STEAP2: variants seen among roughly 807,000 people sequenced by gnomAD.
The protein encoded by STEAP2 is metalloreductase STEAP2.
In STEAP2, 30 loss-of-function variants were observed where a neutral mutation model predicts 46.4. That is an observed-to-expected ratio of 0.65 (90% CI 0.48 to 0.88). The LOEUF (loss-of-function observed/expected upper bound fraction) is 0.88, where lower values mean the gene tolerates loss of function less well. STEAP2 is among the 40% of genes least tolerant of loss of function. STEAP2 has a pLI of 0.00. For synonymous variants in STEAP2, 180 were observed against 200.5 expected, an observed-to-expected ratio of 0.90 and a Z score of 0.86; for missense variants, 513 against 579.3, an observed-to-expected ratio of 0.89 and a Z score of 1.18.
At position 90,232,624 on chromosome 7, in the gene STEAP2, A is replaced by G; in HGVS notation, c.1473A>G (p.Ter491TrpextTer1). Residue 491 changes from the stop codon to tryptophan (W), a stop_lost, in exon 6 of 6, where the codon TGA becomes TGG. Transcript: ENST00000394621. ...CCCCGGAGAGGGTCACAGTAATGTG[A>G]TGACAAATGGTGTTCACAGCTGCCA... is the stretch of plus-strand genomic sequence containing the variant. ...HVSPERVTVM* is the reference protein window; with the variant it reads ...HVSPERVTVMW 3.7e-6 allele frequency: 6 copies of G among 1,602,326 alleles called. No homozygotes were observed. Among genetic ancestry groups the G allele is most frequent in the Non-Finnish European group, 5.1e-6 (6 of 1,173,840 alleles).
At position 90,227,426 on chromosome 7, in the gene STEAP2, T is replaced by C. The variant is rs1795548235; in HGVS notation, c.948T>C (p.His316=). The C allele has an allele frequency of 1.2e-6, 2 of 1,611,286 alleles. No individual in the cohort carries two copies. Among genetic ancestry groups the C allele is most frequent in the East Asian group, 2.2e-5 (1 of 44,796 alleles). Residue 316 remains histidine, a synonymous_variant, in exon 4 of 6, where the codon CAT becomes CAC. Coordinates refer to ENST00000394621, the MANE Select transcript of STEAP2 (RefSeq NM_001244944.2). ...GLLSFFFAMV[H]VAYSLCLPMR... ...TAAGTTTTTTCTTCGCTATGGTCCA[T>C]GTTGCCTACAGCCTCTGCTTACCGA... is the stretch of plus-strand genomic sequence containing the variant.
At position 90,211,781 on chromosome 7, in the gene STEAP2, G is replaced by C. The variant is rs926173961; in HGVS notation, c.-411G>C. On this transcript the variant is annotated 5_prime_UTR_variant, in exon 1 of 6. Coordinates refer to ENST00000394621, the MANE Select transcript of STEAP2 (RefSeq NM_001244944.2). ...GCCCTCGGCGCCACGAGCTGTCCGG[G>C]CACGCAGCCCCTAGCGGCGCGTCGC... is the stretch of plus-strand genomic sequence containing the variant. 1 of 152,788 alleles carries C rather than the reference G, an allele frequency of 6.5e-6. No individual in the cohort carries two copies. The highest frequency in any genetic ancestry group is 1.5e-5 in the Non-Finnish European group (1 of 68,516). 9.5% of individuals were successfully genotyped at this position (152,788 alleles called of 1,614,324 possible). A position where few individuals can be genotyped will look rare whatever the true frequency, so the allele number is the denominator to read the frequency against.
At chr7:90,222,032 T>C (rs962768015) in intron 2 of STEAP2, among the ~76,000 whole-genome samples, 8 of 152,204 alleles carry the variant, frequency 5.3e-5, no homozygotes, top group African/African-American at 1.9e-4. Flanking sequence ...TATAGGAAAC[T>C]TGGATTCCCT....
Position 90,235,277 on chromosome 7 carries a change from C to T in STEAP2, c.*2653C>T, listed in dbSNP as rs182124383. ...TGGCACTATCTTCTTTTCAGTACTA[C>T]AAAAACAGAATAATTTTGAAGTTTT... On this transcript the variant is annotated 3_prime_UTR_variant, in exon 6 of 6. Transcript: ENST00000394621. The T allele has an allele frequency of 9.6e-5, 94 of 975,586 alleles. No individual in the cohort carries two copies. In the African/African-American group the frequency reaches 1.5e-3, roughly 16 times the overall value. The allele number at this position is 975,586 out of a possible 1,614,324, so 60.4% of individuals were successfully genotyped here.
Position 90,236,987 on chromosome 7 carries a change from C to G in STEAP2, c.*4363C>G. ...TTAAAAGCGGCTGCCCATTACATTC[C>G]TCAGCTGTCCTTGCAGTTAGGTGTA... On this transcript the variant is annotated 3_prime_UTR_variant, in exon 6 of 6. Coordinates refer to ENST00000394621, the MANE Select transcript of STEAP2 (RefSeq NM_001244944.2). The G allele has an allele frequency of 6.2e-7, 1 of 1,610,676 alleles. No homozygotes were observed. The highest frequency in any genetic ancestry group is 1.1e-5 in the South Asian group (1 of 90,856).
At position 90,237,655 on chromosome 7, in the gene STEAP2, T is replaced by C. The variant is rs992478050; in HGVS notation, c.*5031T>C. The C allele has an allele frequency of 6.4e-6, 1 of 156,604 alleles. No homozygotes were observed. The highest frequency in any genetic ancestry group is 2.4e-5 in the African/African-American group (1 of 41,500). 9.7% of individuals were successfully genotyped at this position (156,604 alleles called of 1,614,324 possible). On this transcript the variant is annotated 3_prime_UTR_variant, in exon 6 of 6. Transcript: ENST00000394621. ...AATGTTGTATACACGTGGATTTTTT[T>C]CTCATTAAATAATAATTCTAGTATT...
Position 90,233,623 on chromosome 7 carries a change from GTTA to G in STEAP2, c.*1004_*1006del. ...TTAGAACAACCCCGTGAGATAAGTA[GTTA>G]TTATCCTCATTTTACACATGAGGGA... On this transcript the variant is annotated 3_prime_UTR_variant, in exon 6 of 6. Transcript: ENST00000394621. The G allele has an allele frequency of 8.0e-6, 7 of 874,360 alleles. No individual in the cohort carries two copies. Among genetic ancestry groups the G allele is most frequent in the Non-Finnish European group, 9.6e-6 (7 of 729,028 alleles). 54.2% of individuals were successfully genotyped at this position (874,360 alleles called of 1,614,324 possible).
In STEAP2 at chr7:90,237,077, TC is replaced by T. The variant is rs1026257360; in HGVS notation, c.*4454del. On this transcript the variant is annotated 3_prime_UTR_variant, in exon 6 of 6. Coordinates refer to ENST00000394621, the MANE Select transcript of STEAP2 (RefSeq NM_001244944.2). ...AAAGGAAGGCAGCATGTGTCCTTTT[TC>T]ATCCCTTCATCTTGCTGCTGGGATT... 5 of 941,408 alleles carry T rather than the reference TC, an allele frequency of 5.3e-6. No homozygotes were observed. The highest frequency in any genetic ancestry group is 3.4e-5 in the African/African-American group (2 of 59,650). 58.3% of individuals were successfully genotyped at this position (941,408 alleles called of 1,614,324 possible). A position where few individuals can be genotyped will look rare whatever the true frequency, so the allele number is the denominator to read the frequency against.
chr7:90,219,299 G>T (rs1160737741), intron 2 of STEAP2, among the ~76,000 whole-genome samples: 1 of 151,910 alleles, frequency 6.6e-6, no homozygotes, highest in Non-Finnish European at 1.5e-5. Context: ...GGTTGCTCTG[G>T]CTAGGACTTC....
intron 3 of STEAP2, among the ~76,000 whole-genome samples, 185 bp downstream of exon 3, chr7:90,225,759 G>C (rs1230983581): frequency 6.6e-6 from 1 of 152,126 alleles, no homozygotes; most frequent in Non-Finnish European, 1.5e-5. Context: ...CCAACATGAT[G>C]TGGAAAACTG....
chr7:90,226,170 C>A (rs1313811082), intron 3 of STEAP2, among the ~76,000 whole-genome samples: 4 of 152,040 alleles, frequency 2.6e-5, no homozygotes, highest in Non-Finnish European at 5.9e-5. Context: ...AGAACCAGGA[C>A]CTGTGAGACA....
At chr7:90,230,206 A>G (rs1795681263) in intron 5 of STEAP2, among the ~76,000 whole-genome samples, 170 bp downstream of exon 5, 2 of 152,028 alleles carry the variant, frequency 1.3e-5, no homozygotes, top group Admixed American at 1.3e-4. Context: ...TAAATAAGTG[A>G]AAGACCAGTC....
At chr7:90,216,928 T>G (rs1381401048) in intron 2 of STEAP2, among the ~76,000 whole-genome samples, 3 of 152,226 alleles carry the variant, frequency 2.0e-5, no homozygotes, top group African/African-American at 7.2e-5. Flanking sequence ...GAAATACTGC[T>G]TTAGTAGCTC....
chr7:90,232,670 A>G lies in STEAP2; in HGVS notation c.*46A>G. 6.6e-7 allele frequency: 1 copy of G among 1,515,564 alleles called. No homozygotes were observed. 93.9% of individuals were successfully genotyped at this position (1,515,564 alleles called of 1,614,324 possible). ...TGCCATATAAAGTTCTACTCATGCCATTATTTTTATGACTTCTACGTTCAG... is the reference window on the plus strand; with the variant it reads ...TGCCATATAAAGTTCTACTCATGCCGTTATTTTTATGACTTCTACGTTCAG... On this transcript the variant is annotated 3_prime_UTR_variant, in exon 6 of 6. Transcript: ENST00000394621.
chr7:90,240,788 T>G (rs1368463075), downstream of STEAP2, among the ~76,000 whole-genome samples: 2 of 152,242 alleles, frequency 1.3e-5, no homozygotes, highest in Non-Finnish European at 2.9e-5. The surrounding 1 kb of genome is among the most constrained non-coding windows in gnomAD (Gnocchi z 4.1). Flanking sequence ...AACAGAGATA[T>G]TAAATTCTGT....
At chr7:90,227,770 T>A (rs3810889) in intron 4 of STEAP2, among the ~76,000 whole-genome samples, 23,894 of 152,174 alleles carry the variant, frequency 0.16, 2,944 homozygotes, top group East Asian at 0.65. Context: ...AATGTTATAA[T>A]TGCAATGAGT....
intron 1 of STEAP2, among the ~76,000 whole-genome samples, chr7:90,213,455 A>G (rs1205779984): frequency 6.6e-6 from 1 of 152,224 alleles, no homozygotes; most frequent in Non-Finnish European, 1.5e-5. Context: ...ACATCAGGAG[A>G]TGTATTTATC....
At position 90,234,675 on chromosome 7, in the gene STEAP2, C is replaced by T. The variant is rs1157520679; in HGVS notation, c.*2051C>T. The T allele has an allele frequency of 1.3e-5, 7 of 527,534 alleles. No individual in the cohort carries two copies. Among genetic ancestry groups the T allele is most frequent in the Non-Finnish European group, 1.7e-5 (7 of 412,422 alleles). The allele number at this position is 527,534 out of a possible 1,614,324, so 32.7% of individuals were successfully genotyped here. A position where few individuals can be genotyped will look rare whatever the true frequency, so the allele number is the denominator to read the frequency against. On this transcript the variant is annotated 3_prime_UTR_variant, in exon 6 of 6. Transcript: ENST00000394621. ...ACGCCATTCTCCTGCCTCAGCCTCCCGAGTAGCTGGGACTACAGGTGCCCG... is the reference window on the plus strand; with the variant it reads ...ACGCCATTCTCCTGCCTCAGCCTCCTGAGTAGCTGGGACTACAGGTGCCCG...
At chr7:90,230,165 A>G in intron 5 of STEAP2, 129 bp downstream of exon 5, 1 of 1,493,826 alleles carries the variant, frequency 6.7e-7, no homozygotes, top group Non-Finnish European at 8.9e-7. Context: ...TAGATACATT[A>G]TGCTGGAAGC....
Sources: gnomAD v4.1 joint callset for allele counts (sites outside exome capture counted in the v4.1 genomes callset) on GRCh38, gnomAD v4.1.1 for gene constraint, Gnocchi (gnomAD v3.1) non-coding constraint, MANE v1.5 for transcripts, NCBI Gene and HGNC (gene_info 2026-07-23, HGNC 2026-07-21) for gene names.